The following HSF5 variants were observed in gnomAD, a reference collection of about 807,000 sequenced individuals.
HSF5 encodes the protein heat shock transcription factor 5, also known as heat shock factor protein 5.
A neutral mutation model predicts 50.8 loss-of-function variants in HSF5; 5 were observed. The observed-to-expected ratio is 0.10, with a 90% CI of 0.05 to 0.21. The LOEUF is 0.21. Ranked by LOEUF, HSF5 falls within the 10% of genes least tolerant of loss-of-function variation. HSF5 has a pLI of 1.00. For missense variants in HSF5, 564 were observed against 762.6 expected (o/e 0.74, Z 3.07); for synonymous variants, 307 against 307.4 (o/e 1.00, Z 0.02).
chr17:58,477,116 CTTTTTTTTTTTTT>C (rs34246837), intron 2 of HSF5, among the ~76,000 whole-genome samples: 1 of 133,764 alleles, frequency 7.5e-6, no homozygotes, highest in Non-Finnish European at 1.6e-5. Flanking sequence ...TATATATATA[CTTTTTTTTTTTTT>C]TTTTTTTTGA....
intron 5 of HSF5, among the ~76,000 whole-genome samples, chr17:58,451,814 G>A (rs1005037302): frequency 6.6e-6 from 1 of 151,710 alleles, no homozygotes; most frequent in African/African-American, 2.4e-5. Flanking sequence ...CCCAAAATAA[G>A]TAGAAGGAAA....
At chr17:58,430,494 G>A (rs941331134) in intron 5 of HSF5, among the ~76,000 whole-genome samples, 1 of 152,120 alleles carries the variant, frequency 6.6e-6, no homozygotes, top group African/African-American at 2.4e-5. Context: ...GTCAGCCAGG[G>A]GCCCAGAGAG....
At position 58,485,348 on chromosome 17, in the gene HSF5, T is replaced by A. The variant is rs78792159; in HGVS notation, c.550+2377A>T. Among the ~76,000 whole-genome samples, 316 of 152,318 alleles carry A rather than the reference T, an allele frequency of 2.1e-3. 3 individuals are homozygous for A. The highest frequency in any genetic ancestry group is 1.5e-3 in the East Asian group (8 of 5,182). On this transcript the variant is annotated intron_variant, in intron 1 of 5. Coordinates refer to ENST00000323777, the MANE Select transcript of HSF5 (RefSeq NM_001080439.3). ...GAAGAATGAATGAATGATTACACCC[T>A]GTTGGTTTCTTGGTATACTGCTTCA... is the stretch of plus-strand genomic sequence containing the variant.
At chr17:58,437,649 T>C (rs1445408781) in intron 5 of HSF5, among the ~76,000 whole-genome samples, 1 of 152,198 alleles carries the variant, frequency 6.6e-6, no homozygotes, top group Non-Finnish European at 1.5e-5. Flanking sequence ...TCTTTCTTTC[T>C]AGAAAGGGGG....
chr17:58,487,668 T>G (rs1468352802), intron 1 of HSF5, 57 bp downstream of exon 1: 4 of 1,353,902 alleles, frequency 3.0e-6, no homozygotes, highest in Non-Finnish European at 3.8e-6. Context: ...CAGCGGCGGT[T>G]GCTCCCCGCC....
chr17:58,435,898 CAAAAAAAAAA>C (rs11458311), intron 5 of HSF5, among the ~76,000 whole-genome samples: 1 of 60,290 alleles, frequency 1.7e-5, no homozygotes, highest in Non-Finnish European at 3.4e-5. Context: ...GACTCCATCT[CAAAAAAAAAA>C]AAAAAAAAAA....
chr17:58,466,856 G>A (rs978948743), intron 3 of HSF5, 29 bp downstream of exon 3: 8 of 1,365,526 alleles, frequency 5.9e-6, no homozygotes, highest in African/African-American at 4.3e-5. Context: ...ATAAAGCGCG[G>A]AGCATGGCCA....
At chr17:58,480,506 C>T (rs1301263808) in intron 1 of HSF5, among the ~76,000 whole-genome samples, 1 of 152,148 alleles carries the variant, frequency 6.6e-6, no homozygotes, top group African/African-American at 2.4e-5. Context: ...TGCCCAAATT[C>T]TAACATTAAA....
chr17:58,478,162 A>G (rs1404430902), intron 2 of HSF5, among the ~76,000 whole-genome samples: 1 of 151,852 alleles, frequency 6.6e-6, no homozygotes, highest in Non-Finnish European at 1.5e-5. Context: ...GGCCAGGCAC[A>G]GTGGCTCACG....
At chr17:58,430,882 C>T (rs1006663645) in intron 5 of HSF5, among the ~76,000 whole-genome samples, 2 of 152,188 alleles carry the variant, frequency 1.3e-5, no homozygotes, top group Non-Finnish European at 2.9e-5. Flanking sequence ...TGTCCCCGCA[C>T]AAATATCACA....
chr17:58,475,550 A>G (rs558442828), intron 2 of HSF5, among the ~76,000 whole-genome samples: 1 of 152,322 alleles, frequency 6.6e-6, no homozygotes, highest in East Asian at 1.9e-4. Flanking sequence ...TATCTGTCAA[A>G]TATCACAATT....
chr17:58,449,939 C>T (rs1229126700), intron 5 of HSF5, among the ~76,000 whole-genome samples: 52 of 142,264 alleles, frequency 3.7e-4, no homozygotes, highest in Admixed American at 3.5e-3. Flanking sequence ...AGGAGAATGG[C>T]GTGAACCCGG....
At chr17:58,448,174 A>G (rs1319781363) in intron 5 of HSF5, among the ~76,000 whole-genome samples, 1 of 151,544 alleles carries the variant, frequency 6.6e-6, no homozygotes, top group Non-Finnish European at 1.5e-5. Context: ...AAAGAAAAAG[A>G]AAAAAGGAAA....
intron 5 of HSF5, among the ~76,000 whole-genome samples, chr17:58,423,483 CTTT>C (rs71143245): frequency 2.8e-5 from 3 of 106,538 alleles, no homozygotes; most frequent in African/African-American, 3.5e-5. Flanking sequence ...GACCAGGGAG[CTTT>C]TTTTTTTTTT....
rs748936968 is a variant in HSF5, at chr17:58,479,904, T to C, written c.914A>G (p.Tyr305Cys). The change falls in exon 2 of 6, where the codon TAC (tyrosine) becomes TGC (cysteine). Residue 305 changes from tyrosine (Y) to cysteine (C), a missense_variant. Tyr to Cys is a radical substitution (Grantham distance 194). Around this residue, in one of 5 missense-constraint regions of HSF5, gnomAD observed 441 missense variants for 533.6 expected, o/e 0.83. Coordinates refer to ENST00000323777, the MANE Select transcript of HSF5 (RefSeq NM_001080439.3). Reference sequence around the variant, plus strand: ...TGAATTTGTCATACCTGTTGGATAGTAGGCTTGCGAGTACTGTGCTGAGGG... The same window carrying C: ...TGAATTTGTCATACCTGTTGGATAGCAGGCTTGCGAGTACTGTGCTGAGGG... ...YTPSAQYSQA[Y>C]YPTAVLQCCS... 1.1e-5 allele frequency: 17 copies of C among 1,611,576 alleles called. No individual in the cohort carries two copies. The highest frequency in any genetic ancestry group is 1.6e-4 in the Middle Eastern group (1 of 6,078).
chr17:58,469,098 GAAA>G (rs60851317), intron 2 of HSF5, among the ~76,000 whole-genome samples: 2 of 121,078 alleles, frequency 1.7e-5, no homozygotes, highest in Non-Finnish European at 1.7e-5. Context: ...CTCGGGAAGG[GAAA>G]AAAAAAAAAA....
At chr17:58,478,912 T>A (rs1028368731) in intron 2 of HSF5, among the ~76,000 whole-genome samples, 1 of 144,038 alleles carries the variant, frequency 6.9e-6, no homozygotes, top group Non-Finnish European at 1.5e-5. Flanking sequence ...AAAACACAAC[T>A]TTTTTTTTTC....
At position 58,460,670 on chromosome 17, in the gene HSF5, C is replaced by T. The variant is rs374077044; in HGVS notation, c.1543-1725G>A. 4.2e-4 allele frequency among the ~76,000 whole-genome samples: 64 copies of T among 151,172 alleles called. 4 individuals carry two copies. Among genetic ancestry groups the T allele is most frequent in the East Asian group, 3.0e-3 (15 of 5,082 alleles). Reference sequence around the variant, plus strand: ...GACTACAGGCACCCACCACCACGCCCGGCTAATTTTTTGTATTTTTAGTAG... The same window carrying T: ...GACTACAGGCACCCACCACCACGCCTGGCTAATTTTTTGTATTTTTAGTAG... On this transcript the variant is annotated intron_variant, in intron 4 of 5. Coordinates refer to ENST00000323777, the MANE Select transcript of HSF5 (RefSeq NM_001080439.3).
intron 1 of HSF5, 125 bp downstream of exon 1, chr17:58,487,600 T>C (rs572372490): frequency 1.6e-6 from 2 of 1,284,674 alleles, no homozygotes; most frequent in East Asian, 3.2e-5. Context: ...CAGCGGCCAA[T>C]GGGTCCCCGG....
Sources: allele counts gnomAD v4.1 joint callset (sites outside exome capture counted in the v4.1 genomes callset), GRCh38; gene constraint gnomAD v4.1.1; regional missense constraint gnomAD v4.1.1; transcripts MANE v1.5; gene names NCBI Gene and HGNC (gene_info 2026-07-23, HGNC 2026-07-21).